The following SV2C variants were observed in gnomAD, a reference collection of about 807,000 sequenced individuals.
SV2C encodes the protein solute carrier family 22 member B3.
SV2C carries 49 observed loss-of-function variants against 79.7 expected under a neutral mutation model. That is an observed-to-expected ratio of 0.61 (90% confidence interval 0.49 to 0.78). The LOEUF (loss-of-function observed/expected upper bound fraction) is 0.78, where lower values mean the gene tolerates loss of function less well. Among genes scored for constraint, SV2C ranks in the 30% least tolerant of loss-of-function variants. The probability of loss-of-function intolerance (pLI) is 0.00; values close to 1 mark genes in which losing one functional copy is unlikely to be tolerated. For missense variants in SV2C, 833 were observed against 912.9 expected, an observed-to-expected ratio of 0.91 and a Z score of 1.13; for synonymous variants, 334 against 333.2, an observed-to-expected ratio of 1.00 and a Z score of -0.03.
chr5:76,033,389 T>C, the SV2C span, among the ~76,000 whole-genome samples: 1 of 152,246 alleles, frequency 6.6e-6, no homozygotes, highest in Admixed American at 6.5e-5. Flanking sequence ...AGGTCTAACA[T>C]TTAAGTCTTT....
the SV2C span, among the ~76,000 whole-genome samples, chr5:76,023,674 A>ATG: frequency 1.0e-3 from 135 of 133,272 alleles, no homozygotes; most frequent in South Asian, 1.8e-3. Flanking sequence ...ATATATATGT[A>ATG]TGTGTGTGTG....
chr5:75,970,126 G>A, the SV2C span, among the ~76,000 whole-genome samples: 2 of 151,984 alleles, frequency 1.3e-5, no homozygotes, highest in Non-Finnish European at 1.5e-5. Flanking sequence ...TGAAACCAAC[G>A]AGAACAAAGA....
the SV2C span, among the ~76,000 whole-genome samples, chr5:75,922,393 TAAA>T: frequency 2.6e-5 from 4 of 152,154 alleles, no homozygotes; most frequent in African/African-American, 9.6e-5. Flanking sequence ...TAAAATTAAA[TAAA>T]AAAATTGAAT....
chr5:75,937,864 C>A, the SV2C span, among the ~76,000 whole-genome samples: 79 of 138,320 alleles, frequency 5.7e-4, 1 homozygote, highest in South Asian at 6.4e-3. Flanking sequence ...TTAAATTTCA[C>A]CTCTAGCATT....
intron 4 of SV2C, among the ~76,000 whole-genome samples, chr5:76,219,071 G>C (rs1320268032): frequency 2.0e-5 from 3 of 152,164 alleles, no homozygotes; most frequent in Admixed American, 6.5e-5. Context: ...TAGGGTGTCA[G>C]GGCAGGCCTC....
downstream of SV2C, among the ~76,000 whole-genome samples, chr5:76,337,474 G>A (rs1404467482): frequency 6.6e-6 from 1 of 152,146 alleles, no homozygotes; most frequent in Non-Finnish European, 1.5e-5. Flanking sequence ...TTGGGAAGAA[G>A]ACAATTCAGC....
At chr5:76,089,927 G>A (rs995646681) in intron 1 of SV2C, among the ~76,000 whole-genome samples, 1 of 152,150 alleles carries the variant, frequency 6.6e-6, no homozygotes, top group Non-Finnish European at 1.5e-5. Flanking sequence ...CTCCTAGCAT[G>A]TTACTTCATA....
chr5:76,037,498 CCCGG>C, the SV2C span, among the ~76,000 whole-genome samples: 1 of 152,032 alleles, frequency 6.6e-6, no homozygotes, highest in Admixed American at 6.5e-5. Flanking sequence ...TGTTGGAGTA[CCCGG>C]CCGTGTGAGG....
chr5:76,218,654 G>A (rs1222593098), intron 4 of SV2C, among the ~76,000 whole-genome samples: 2 of 152,156 alleles, frequency 1.3e-5, no homozygotes, highest in Non-Finnish European at 2.9e-5. Flanking sequence ...TGCATGTGGG[G>A]CTTTAAACCT....
intron 2 of SV2C, among the ~76,000 whole-genome samples, chr5:76,165,284 T>G (rs1312901325): frequency 1.3e-5 from 2 of 152,244 alleles, no homozygotes; most frequent in Admixed American, 1.3e-4. Context: ...GAAATTGACA[T>G]TGGTACAATA....
the SV2C span, among the ~76,000 whole-genome samples, chr5:76,006,362 A>T: frequency 6.6e-6 from 1 of 152,054 alleles, no homozygotes; most frequent in Non-Finnish European, 1.5e-5. Context: ...TCAGAAAGAG[A>T]TGCTATGTAA....
At chr5:76,068,091 AAGCT>A in the SV2C span, among the ~76,000 whole-genome samples, 1 of 152,160 alleles carries the variant, frequency 6.6e-6, no homozygotes. Flanking sequence ...TTGTAAAACC[AAGCT>A]AAATAATGCT....
At chr5:75,877,477 C>A in the SV2C span, among the ~76,000 whole-genome samples, 2 of 151,872 alleles carry the variant, frequency 1.3e-5, no homozygotes, top group African/African-American at 4.8e-5. Context: ...CTCTAATGCA[C>A]ACACATCATT....
At chr5:76,194,182 G>A (rs1452399569) in intron 2 of SV2C, among the ~76,000 whole-genome samples, 1 of 152,150 alleles carries the variant, frequency 6.6e-6, no homozygotes, top group Non-Finnish European at 1.5e-5. Context: ...TTTGTTCCCT[G>A]GGCTGGAGCT....
At chr5:75,936,668 G>A in the SV2C span, among the ~76,000 whole-genome samples, 63 of 152,266 alleles carry the variant, frequency 4.1e-4, 2 homozygotes, top group South Asian at 0.012. Context: ...CAAAGAAAAG[G>A]GATAGCTGGT....
At chr5:75,980,248 C>G in the SV2C span, among the ~76,000 whole-genome samples, 1 of 152,136 alleles carries the variant, frequency 6.6e-6, no homozygotes, top group African/African-American at 2.4e-5. Context: ...AAAAAAAGCT[C>G]AGGATCATAC....
the SV2C span, among the ~76,000 whole-genome samples, chr5:75,936,886 C>A: frequency 6.6e-6 from 1 of 152,178 alleles, no homozygotes; most frequent in African/African-American, 2.4e-5. Flanking sequence ...TAGAACTATG[C>A]TATCAACACA....
chr5:76,132,324 T>C lies in SV2C; in HGVS notation c.574T>C (p.Trp192Arg), dbSNP rs1375697963. The change falls in exon 2 of 13, where the codon TGG (tryptophan) becomes CGG (arginine). Residue 192 changes from tryptophan to arginine, a missense_variant. Coordinates refer to ENST00000502798, the MANE Select transcript of SV2C (RefSeq NM_014979.4). ...DLCIPNSGSG[W>R]LGSIVYLGMM... ...CTGCATCCCAAATTCAGGATCTGGA[T>C]GGCTAGGTGAGTGTGTGGTGTCAGT... 1 of 1,609,504 alleles carries C rather than the reference T, an allele frequency of 6.2e-7. No homozygotes were observed. The highest frequency in any genetic ancestry group is 1.3e-5 in the African/African-American group (1 of 74,710).
the SV2C span, among the ~76,000 whole-genome samples, chr5:75,945,742 T>A: frequency 6.6e-6 from 1 of 152,110 alleles, no homozygotes; most frequent in Non-Finnish European, 1.5e-5. Context: ...CTAGGCTTAA[T>A]GAAATTATAT....
Sources: allele counts gnomAD v4.1 joint callset (sites outside exome capture counted in the v4.1 genomes callset), GRCh38; gene constraint gnomAD v4.1.1; transcripts MANE v1.5; gene names NCBI Gene and HGNC (gene_info 2026-07-23, HGNC 2026-07-21).